The following EYS variants were observed in gnomAD, a reference collection of about 807,000 sequenced individuals.
The protein encoded by EYS is protein eyes shut homolog.
Under a neutral mutation model 282.1 loss-of-function variants are expected in EYS, and 250 were observed. The observed-to-expected ratio is 0.89, with a 90% CI of 0.80 to 0.98. EYS has a LOEUF of 0.98. EYS is among the 50% of genes least tolerant of loss of function. The probability of loss-of-function intolerance (pLI) is 0.00; values close to 1 mark genes in which losing one functional copy is unlikely to be tolerated. For synonymous variants in EYS, 1,355 were observed against 1,282.9 expected, an observed-to-expected ratio of 1.06 and a Z score of -1.20; for missense variants, 4,016 against 3,709.0, an observed-to-expected ratio of 1.08 and a Z score of -2.15.
chr6:65,222,979 G>A (rs989628044), intron 12 of EYS, among the ~76,000 whole-genome samples: 5 of 152,110 alleles, frequency 3.3e-5, no homozygotes, highest in African/African-American at 7.2e-5. Flanking sequence ...ACAGCTAAAC[G>A]GAAGTGATTA....
At chr6:65,318,669 T>C (rs1278158032) in intron 11 of EYS, among the ~76,000 whole-genome samples, 2 of 149,484 alleles carry the variant, frequency 1.3e-5, no homozygotes, top group Admixed American at 6.7e-5. Flanking sequence ...TAAGACAGAG[T>C]CTCATTCCAT....
At chr6:65,019,572 A>C (rs1025367823) in intron 13 of EYS, among the ~76,000 whole-genome samples, 1 of 152,202 alleles carries the variant, frequency 6.6e-6, no homozygotes, top group Admixed American at 6.5e-5. Flanking sequence ...AAATGACATA[A>C]GGTATGTTAA....
At chr6:64,100,332 A>G (rs1207976446) in intron 31 of EYS, among the ~76,000 whole-genome samples, 1 of 152,102 alleles carries the variant, frequency 6.6e-6, no homozygotes, top group African/African-American at 2.4e-5. Flanking sequence ...CAATGATGAT[A>G]TATTTTATTA....
chr6:65,657,044 A>G (rs1767854582), intron 1 of EYS, among the ~76,000 whole-genome samples: 1 of 151,904 alleles, frequency 6.6e-6, no homozygotes, highest in Non-Finnish European at 1.5e-5. Flanking sequence ...ATGGAGGAAC[A>G]AAGCCTCAAT....
intron 2 of EYS, among the ~76,000 whole-genome samples, chr6:65,577,637 C>A (rs1316354193): frequency 6.6e-6 from 1 of 151,372 alleles, no homozygotes; most frequent in Non-Finnish European, 1.5e-5. Context: ...AGTGAAGAGG[C>A]AGTCTACCAA....
At chr6:64,201,838 G>A (rs1765466330) in intron 31 of EYS, among the ~76,000 whole-genome samples, 1 of 152,178 alleles carries the variant, frequency 6.6e-6, no homozygotes, top group African/African-American at 2.4e-5. Context: ...TGTTCACCTA[G>A]ATAAATGGTT....
intron 12 of EYS, among the ~76,000 whole-genome samples, chr6:65,103,648 T>C (rs74761434): frequency 0.037 from 5,550 of 151,596 alleles, 349 homozygotes; most frequent in African/African-American, 0.13. Flanking sequence ...AATACAAAGG[T>C]GACCCACAAA....
intron 5 of EYS, among the ~76,000 whole-genome samples, chr6:65,443,144 T>C (rs1033052708): frequency 3.2e-4 from 49 of 151,054 alleles, no homozygotes; most frequent in Non-Finnish European, 5.5e-4. Context: ...TACATATATG[T>C]ACACATCATA....
At position 64,100,915 on chromosome 6, in the gene EYS, T is replaced by G. The variant is rs560802443; in HGVS notation, c.6425-18913A>C. Among the ~76,000 whole-genome samples, 141 of 152,184 alleles carry G rather than the reference T, an allele frequency of 9.3e-4. 1 individual carries two copies. The highest frequency in any genetic ancestry group is 2.6e-4 in the Non-Finnish European group (18 of 68,034). On this transcript the variant is annotated intron_variant, in intron 31 of 42. Coordinates refer to ENST00000503581, the MANE Select transcript of EYS (RefSeq NM_001142800.2). Reference sequence around the variant, plus strand: ...CATTGTCATTGAATCTGAAGTCCCTTGGAGTTCTAAACTTTATTTATTAAC... The same window carrying G: ...CATTGTCATTGAATCTGAAGTCCCTGGGAGTTCTAAACTTTATTTATTAAC...
At chr6:64,410,984 A>G (rs1773871456) in intron 28 of EYS, among the ~76,000 whole-genome samples, 1 of 152,114 alleles carries the variant, frequency 6.6e-6, no homozygotes, top group African/African-American at 2.4e-5. Flanking sequence ...TACCAGCATA[A>G]AGTTTAATCA....
intron 41 of EYS, among the ~76,000 whole-genome samples, chr6:63,757,218 TGGG>T (rs1261473104): frequency 1.3e-5 from 2 of 151,966 alleles, no homozygotes; most frequent in Admixed American, 1.3e-4. Flanking sequence ...CACGCATTCT[TGGG>T]GGGAGGTCTA....
intron 19 of EYS, among the ~76,000 whole-genome samples, chr6:64,877,617 T>C (rs1265636290): frequency 6.6e-6 from 1 of 152,008 alleles, no homozygotes; most frequent in Admixed American, 6.6e-5. Flanking sequence ...ATGACCACAA[T>C]GTGGAAAGAA....
intron 29 of EYS, among the ~76,000 whole-genome samples, chr6:64,359,814 CT>C (rs1041366781): frequency 1.8e-4 from 28 of 151,654 alleles, no homozygotes; most frequent in Non-Finnish European, 3.2e-4. Flanking sequence ...ACATTGGTCA[CT>C]TCCCCATTTC....
chr6:65,484,929 G>A (rs1765734344), intron 5 of EYS, among the ~76,000 whole-genome samples: 1 of 152,150 alleles, frequency 6.6e-6, no homozygotes, highest in Admixed American at 6.5e-5. Flanking sequence ...CTGCTTTCAT[G>A]CTGCAATAGC....
chr6:63,819,103 G>C (rs1333754908), intron 36 of EYS, among the ~76,000 whole-genome samples: 2 of 152,190 alleles, frequency 1.3e-5, no homozygotes, highest in African/African-American at 4.8e-5. Context: ...CGTGAAGGCA[G>C]GATTTTGTCA....
intron 30 of EYS, among the ~76,000 whole-genome samples, chr6:64,301,987 T>G (rs1769254946): frequency 6.6e-6 from 1 of 152,236 alleles, no homozygotes; most frequent in South Asian, 2.1e-4. Flanking sequence ...GTTTATTTAC[T>G]GCAGAACCTT....
intron 41 of EYS, among the ~76,000 whole-genome samples, chr6:63,734,722 CTG>C (rs1278615636): frequency 2.6e-5 from 4 of 152,112 alleles, no homozygotes; most frequent in South Asian, 4.2e-4. Flanking sequence ...ATGGGGAAGA[CTG>C]TGGGAGAAGC....
intron 35 of EYS, among the ~76,000 whole-genome samples, chr6:63,912,336 T>A (rs1368905231): frequency 2.6e-5 from 4 of 152,146 alleles, no homozygotes; most frequent in Non-Finnish European, 5.9e-5. Flanking sequence ...GAACCACATA[T>A]AAAATTTTAA....
chr6:65,016,359 G>C (rs1275177313), intron 13 of EYS, among the ~76,000 whole-genome samples: 1 of 152,124 alleles, frequency 6.6e-6, no homozygotes, highest in African/African-American at 2.4e-5. Flanking sequence ...GCAGTTTTAA[G>C]AGCTGTAAGT....
Sources: allele counts gnomAD v4.1 joint callset (sites outside exome capture counted in the v4.1 genomes callset), GRCh38; gene constraint gnomAD v4.1.1; transcripts MANE v1.5; gene names NCBI Gene and HGNC (gene_info 2026-07-23, HGNC 2026-07-21).